RABGAP1L: variants seen among roughly 807,000 people sequenced by gnomAD.
RABGAP1L encodes RAB GTPase activating protein 1 like, also known as rab GTPase-activating protein 1-like.
A neutral mutation model predicts 137.7 loss-of-function variants in RABGAP1L; 63 were observed. The ratio of observed to expected loss-of-function variants is 0.46; its 90% CI spans 0.37 to 0.56. The LOEUF is 0.56. Among genes scored for constraint, RABGAP1L ranks in the 20% least tolerant of loss-of-function variants. RABGAP1L has a pLI of 0.00. For synonymous variants in RABGAP1L, 431 were observed against 433.7 expected (o/e 0.99, Z 0.08); for missense variants, 1,095 against 1,244.0 (o/e 0.88, Z 1.80).
At chr1:174,733,363 C>G (rs1682671561) in intron 17 of RABGAP1L, among the ~76,000 whole-genome samples, 1 of 152,192 alleles carries the variant, frequency 6.6e-6, no homozygotes, top group Non-Finnish European at 1.5e-5. Context: ...CCTCCCAGAT[C>G]ACAGGCAGTT....
intron 11 of RABGAP1L, among the ~76,000 whole-genome samples, chr1:174,359,619 G>C (rs1683959991): frequency 6.6e-6 from 1 of 152,214 alleles, no homozygotes; most frequent in African/African-American, 2.4e-5. Context: ...TTGGCACACA[G>C]ACTGGTGTCT....
chr1:174,596,505 C>T (rs1271323195), intron 13 of RABGAP1L, among the ~76,000 whole-genome samples: 1 of 152,050 alleles, frequency 6.6e-6, no homozygotes, highest in Non-Finnish European at 1.5e-5. Context: ...TTTTAAATTT[C>T]TTTTTCAGAT....
intron 13 of RABGAP1L, among the ~76,000 whole-genome samples, chr1:174,579,565 G>C (rs1458835445): frequency 6.6e-6 from 1 of 152,210 alleles, no homozygotes; most frequent in African/African-American, 2.4e-5. Flanking sequence ...CACTGCAGTA[G>C]ATATGACACA....
chr1:174,534,987 G>T (rs1045613860), intron 13 of RABGAP1L, among the ~76,000 whole-genome samples: 4 of 152,000 alleles, frequency 2.6e-5, no homozygotes, highest in Non-Finnish European at 5.9e-5. Flanking sequence ...GATTCATTGA[G>T]GTTATGCTCA....
At chr1:174,626,326 T>C (rs1481518711) in intron 13 of RABGAP1L, among the ~76,000 whole-genome samples, 5 of 152,212 alleles carry the variant, frequency 3.3e-5, no homozygotes, top group Non-Finnish European at 7.3e-5. Flanking sequence ...TTATAGTCTT[T>C]AAAGAATGCT....
At chr1:174,623,228 T>C (rs564137036) in intron 13 of RABGAP1L, among the ~76,000 whole-genome samples, 1 of 152,310 alleles carries the variant, frequency 6.6e-6, no homozygotes, top group South Asian at 2.1e-4. Context: ...TGAACAATGA[T>C]ACGTATATCT....
intron 11 of RABGAP1L, among the ~76,000 whole-genome samples, chr1:174,327,986 C>CATATATAT (rs3057021): frequency 2.2e-3 from 120 of 53,576 alleles, no homozygotes; most frequent in Admixed American, 7.7e-3. Flanking sequence ...TATACACACA[C>CATATATAT]ATATATATAT....
At chr1:174,653,745 C>T (rs1343003677) in intron 14 of RABGAP1L, among the ~76,000 whole-genome samples, 8 of 152,182 alleles carry the variant, frequency 5.3e-5, no homozygotes, top group African/African-American at 1.9e-4. Context: ...ATATTTTGAA[C>T]AATATCTGAT....
intron 13 of RABGAP1L, among the ~76,000 whole-genome samples, chr1:174,562,553 C>T (rs1355271547): frequency 6.6e-6 from 1 of 152,174 alleles, no homozygotes; most frequent in East Asian, 1.9e-4. Context: ...GACACATGCT[C>T]ACGTATGTTT....
intron 15 of RABGAP1L, among the ~76,000 whole-genome samples, chr1:174,697,714 A>G (rs987906297): frequency 1.3e-5 from 2 of 152,210 alleles, no homozygotes; most frequent in Non-Finnish European, 1.5e-5. Context: ...TAAGAGAAGT[A>G]TTCTTGGCCA....
intron 18 of RABGAP1L, among the ~76,000 whole-genome samples, chr1:174,807,723 C>T (rs977861530): frequency 6.6e-6 from 1 of 152,052 alleles, no homozygotes; most frequent in Non-Finnish European, 1.5e-5. Context: ...TGTTTTCGTT[C>T]ACAATGAAAT....
intron 13 of RABGAP1L, among the ~76,000 whole-genome samples, chr1:174,466,557 C>T (rs1430940293): frequency 2.0e-5 from 3 of 152,018 alleles, no homozygotes; most frequent in Non-Finnish European, 4.4e-5. Context: ...GAGGCTGAGG[C>T]GGGTGGATCA....
At chr1:174,596,220 C>A (rs911240070) in intron 13 of RABGAP1L, among the ~76,000 whole-genome samples, 3 of 84,480 alleles carry the variant, frequency 3.6e-5, no homozygotes, top group Admixed American at 9.8e-5. Context: ...GGCTCGCGCA[C>A]GGTGCACACA....
chr1:174,915,356 G>A (rs1004062716), intron 19 of RABGAP1L, among the ~76,000 whole-genome samples: 1 of 152,134 alleles, frequency 6.6e-6, no homozygotes, highest in African/African-American at 2.4e-5. Context: ...TTTTGTAGTA[G>A]TATCTCATTT....
intron 13 of RABGAP1L, among the ~76,000 whole-genome samples, chr1:174,613,618 C>G (rs1428595484): frequency 1.3e-5 from 2 of 152,082 alleles, no homozygotes; most frequent in Non-Finnish European, 2.9e-5. Flanking sequence ...TCCTTGTTAA[C>G]TTTCTGTCTC....
At chr1:174,797,364 G>A (rs1048841829) in intron 18 of RABGAP1L, among the ~76,000 whole-genome samples, 1 of 152,054 alleles carries the variant, frequency 6.6e-6, no homozygotes, top group Non-Finnish European at 1.5e-5. Context: ...TGGCAGTGCT[G>A]TACATAGCAG....
intron 13 of RABGAP1L, among the ~76,000 whole-genome samples, chr1:174,541,284 C>A (rs776877070): frequency 7.8e-4 from 119 of 152,118 alleles, no homozygotes; most frequent in Non-Finnish European, 1.4e-3. Context: ...TCCTTTATTT[C>A]TTTCTCCTGC....
chr1:174,605,140 C>G (rs1173692769), intron 13 of RABGAP1L, among the ~76,000 whole-genome samples: 2 of 148,780 alleles, frequency 1.3e-5, no homozygotes, highest in African/African-American at 5.2e-5. Context: ...GACCCTGTCT[C>G]AAAACCAAAC....
rs956982730 is a variant in RABGAP1L at position 174,632,314 on chromosome 1, G to T, written c.1711-5061G>T. On this transcript the variant is annotated intron_variant, in intron 13 of 25. Transcript: ENST00000681986. ...GAGGGTAACCCGACCTTTCTCTCTG[G>T]CTGCCTTAACATTTTTTCCTTCATT... 7.0e-4 allele frequency among the ~76,000 whole-genome samples: 105 copies of T among 149,480 alleles called. 1 individual carries two copies. Among genetic ancestry groups the T allele is most frequent in the Non-Finnish European group, 1.3e-3 (86 of 67,750 alleles).
Sources: allele counts gnomAD v4.1 joint callset (sites outside exome capture counted in the v4.1 genomes callset), GRCh38; gene constraint gnomAD v4.1.1; transcripts MANE v1.5; gene names NCBI Gene and HGNC (gene_info 2026-07-23, HGNC 2026-07-21).